Variants in NUP160 observed in about 807,000 individuals in gnomAD.
NUP160 encodes nuclear pore complex protein Nup160.
Under a neutral mutation model 196.9 loss-of-function variants are expected in NUP160, and 94 were observed. The ratio of observed to expected loss-of-function variants is 0.48; its 90% confidence interval spans 0.40 to 0.57. NUP160 has a LOEUF of 0.57. Ranked by LOEUF, NUP160 falls within the 20% of genes least tolerant of loss-of-function variation. NUP160 has a pLI of 0.00. For synonymous variants in NUP160, 605 were observed against 619.7 expected, an observed-to-expected ratio of 0.98 and a Z score of 0.35; for missense variants, 1,638 against 1,748.3, an observed-to-expected ratio of 0.94 and a Z score of 1.13.
chr11:47,811,554 A>G (rs551173715), intron 17 of NUP160, among the ~76,000 whole-genome samples: 3 of 152,296 alleles, frequency 2.0e-5, no homozygotes, highest in African/African-American at 7.2e-5. Context: ...ACTAAAGGGT[A>G]TGCTTACCAC....
chr11:47,804,653 T>C (rs2097676411), intron 20 of NUP160, 35 bp from the exon 21 acceptor site: 3 of 1,405,618 alleles, frequency 2.1e-6, no homozygotes, highest in Admixed American at 2.7e-5. Context: ...TTAATTTTTG[T>C]TGGCAAATCT....
At chr11:47,808,285 A>T (rs570454952) in intron 18 of NUP160, 111 bp downstream of exon 18, 1 of 1,040,126 alleles carries the variant, frequency 9.6e-7, no homozygotes, top group South Asian at 1.6e-5. Flanking sequence ...TCTGTCTCAA[A>T]ACAAAAACAA....
intron 29 of NUP160, among the ~76,000 whole-genome samples, chr11:47,789,111 A>C (rs1381640904): frequency 6.6e-6 from 1 of 152,142 alleles, no homozygotes; most frequent in Non-Finnish European, 1.5e-5. Flanking sequence ...TCCTGACCTC[A>C]GGTGATCCAG....
chr11:47,783,081 C>T lies in NUP160; in HGVS notation c.4108G>A (p.Gly1370Arg), dbSNP rs778345416. Residue 1370 changes from glycine (G) to arginine (R), a missense_variant, in exon 34 of 36, where the codon GGA becomes AGA. By Grantham distance (125) the Gly-to-Arg change is moderately radical. Around this residue, in one of 3 missense-constraint regions of NUP160, gnomAD observed 1,345 missense variants for 1,470.2 expected, o/e 0.91. Transcript: ENST00000378460. ...CATTTGTATATGCCTACCTCAATTC[C>T]GAAGTATTGATGTCCTTTTCCCAAT... 1.4e-5 allele frequency: 22 copies of T among 1,612,412 alleles called. No individual in the cohort carries two copies. The highest frequency in any genetic ancestry group is 1.6e-4 in the Middle Eastern group (1 of 6,082).
intron 27 of NUP160, among the ~76,000 whole-genome samples, chr11:47,796,580 T>C (rs996857607): frequency 1.3e-5 from 2 of 151,810 alleles, no homozygotes; most frequent in Non-Finnish European, 2.9e-5. Context: ...ATATTAACAG[T>C]TGGGGAATTT....
chr11:47,806,846 C>CATATATAT (rs1247461814), intron 19 of NUP160, among the ~76,000 whole-genome samples: 4 of 107,092 alleles, frequency 3.7e-5, no homozygotes, highest in African/African-American at 1.0e-4. Flanking sequence ...CACACACACA[C>CATATATAT]ACACACATAT....
intron 32 of NUP160, among the ~76,000 whole-genome samples, chr11:47,786,044 G>A (rs2097664331): frequency 6.6e-6 from 1 of 152,208 alleles, no homozygotes; most frequent in Non-Finnish European, 1.5e-5. Flanking sequence ...GATGGGGGCT[G>A]ATGGGTGACA....
chr11:47,796,301 A>G (rs1463841516), intron 27 of NUP160: 8 of 701,994 alleles, frequency 1.1e-5, no homozygotes, highest in Non-Finnish European at 2.1e-5. Flanking sequence ...ACCAAAAATC[A>G]AAGCTATTCC....
chr11:47,827,585 C>T (rs145098842), intron 7 of NUP160, among the ~76,000 whole-genome samples: 1,709 of 151,074 alleles, frequency 0.011, 32 homozygotes, highest in Non-Finnish European at 0.011. Context: ...GGCACATGCC[C>T]GTGGTCCCGG....
intron 7 of NUP160, among the ~76,000 whole-genome samples, chr11:47,829,595 C>T (rs1216092814): frequency 6.6e-6 from 1 of 152,160 alleles, no homozygotes; most frequent in Non-Finnish European, 1.5e-5. Context: ...GCATGAGCCA[C>T]CGCACTGGCC....
intron 7 of NUP160, among the ~76,000 whole-genome samples, chr11:47,823,491 T>C (rs895719106): frequency 6.6e-6 from 1 of 152,280 alleles, no homozygotes; most frequent in East Asian, 1.9e-4. Context: ...TAGCATAATG[T>C]CTTCAAGGCT....
At chr11:47,845,858 C>T (rs938469608) in intron 2 of NUP160, among the ~76,000 whole-genome samples, 11 of 152,044 alleles carry the variant, frequency 7.2e-5, no homozygotes, top group Admixed American at 2.0e-4. Flanking sequence ...TCAGGCTGGA[C>T]ACGGTGGCTT....
chr11:47,781,266 C>T (rs1213842550), intron 34 of NUP160, among the ~76,000 whole-genome samples: 1 of 151,544 alleles, frequency 6.6e-6, no homozygotes, highest in Non-Finnish European at 1.5e-5. Context: ...TTCATGTCAA[C>T]TTTCTTTTTT....
intron 7 of NUP160, among the ~76,000 whole-genome samples, chr11:47,826,186 G>A (rs930074648): frequency 1.3e-5 from 2 of 152,082 alleles, no homozygotes; most frequent in African/African-American, 4.8e-5. Context: ...AACAGTCCAA[G>A]CTGGTCTTAA....
intron 13 of NUP160, among the ~76,000 whole-genome samples, chr11:47,814,768 A>G (rs772922774): frequency 2.6e-5 from 4 of 152,192 alleles, no homozygotes; most frequent in Non-Finnish European, 5.9e-5. Context: ...TTTAAGGATA[A>G]AGGAGCATGA....
chr11:47,841,630 G>A (rs1224643831), intron 2 of NUP160: 3 of 416,136 alleles, frequency 7.2e-6, no homozygotes, highest in South Asian at 2.2e-5. Context: ...ATCCTGGAAC[G>A]TGCTCTAGTT....
intron 27 of NUP160, chr11:47,796,223 GAA>G (rs1419639687): frequency 4.3e-6 from 2 of 470,420 alleles, no homozygotes; most frequent in East Asian, 7.5e-5. Flanking sequence ...CTTCCACACA[GAA>G]AAAGAGAAAT....
intron 7 of NUP160, among the ~76,000 whole-genome samples, chr11:47,833,081 G>T (rs894733591): frequency 6.6e-6 from 1 of 152,170 alleles, no homozygotes; most frequent in African/African-American, 2.4e-5. Context: ...ATGGTTGCTC[G>T]TATCTGTGGA....
chr11:47,823,020 C>T (rs888369111), intron 7 of NUP160, among the ~76,000 whole-genome samples: 1 of 152,152 alleles, frequency 6.6e-6, no homozygotes, highest in Admixed American at 6.6e-5. Context: ...AATAGTGCCA[C>T]AATAAATATA....
Sources: gnomAD v4.1 joint callset for allele counts (sites outside exome capture counted in the v4.1 genomes callset) on GRCh38, gnomAD v4.1.1 for gene constraint, gnomAD v4.1.1 regional missense constraint, MANE v1.5 for transcripts, NCBI Gene and HGNC (gene_info 2026-07-23, HGNC 2026-07-21) for gene names.